PPP2R2B: variants seen among roughly 807,000 people sequenced by gnomAD.
PPP2R2B encodes the protein serine/threonine-protein phosphatase 2A 55 kDa regulatory subunit B beta isoform.
PPP2R2B carries 5 observed loss-of-function variants against 46.0 expected under a neutral mutation model. That is an observed-to-expected ratio of 0.11 (90% CI 0.06 to 0.23). The LOEUF (loss-of-function observed/expected upper bound fraction) is 0.23. Among genes scored for constraint, PPP2R2B ranks in the 10% least tolerant of loss-of-function variants. The pLI, the probability that PPP2R2B is intolerant of heterozygous loss-of-function variation, is 1.00. For synonymous variants in PPP2R2B, 215 were observed against 206.7 expected (o/e 1.04, Z -0.34); for missense variants, 367 against 575.0 (o/e 0.64, Z 3.70).
At chr5:146,730,258 T>G (rs1581970769) in intron 2 of PPP2R2B, among the ~76,000 whole-genome samples, 1 of 152,226 alleles carries the variant, frequency 6.6e-6, no homozygotes, top group Admixed American at 6.5e-5. Context: ...TTTGAATAGC[T>G]GGATTTATCC....
intron 1 of PPP2R2B, among the ~76,000 whole-genome samples, chr5:146,994,258 G>C (rs1237927352): frequency 1.3e-5 from 2 of 152,168 alleles, no homozygotes; most frequent in African/African-American, 4.8e-5. Flanking sequence ...CTGGGGACAA[G>C]GGTGAAGGCT....
At chr5:147,014,030 A>C (rs1754871610) in intron 1 of PPP2R2B, among the ~76,000 whole-genome samples, 1 of 128,508 alleles carries the variant, frequency 7.8e-6, no homozygotes, top group East Asian at 2.4e-4. Context: ...AACTCAAACA[A>C]ATTTACAAGA....
chr5:146,642,252 A>G (rs1347614586), intron 6 of PPP2R2B, among the ~76,000 whole-genome samples: 4 of 152,168 alleles, frequency 2.6e-5, no homozygotes, highest in Non-Finnish European at 5.9e-5. Flanking sequence ...TAATAATTGA[A>G]GACACCAGGA....
At chr5:147,081,239 A>AT in intron 1 of PPP2R2B, 1 of 1,535,650 alleles carries the variant, frequency 6.5e-7, no homozygotes, top group Middle Eastern at 1.7e-4. Flanking sequence ...ATGCATTTCT[A>AT]AAAGGAGACT....
chr5:146,647,614 C>T (rs1055615001), intron 6 of PPP2R2B, among the ~76,000 whole-genome samples: 2 of 152,154 alleles, frequency 1.3e-5, no homozygotes, highest in Admixed American at 6.5e-5. Flanking sequence ...ACCTAAACTG[C>T]GCTGTTAATA....
At chr5:147,033,068 T>C (rs1191084020) in intron 1 of PPP2R2B, among the ~76,000 whole-genome samples, 2 of 152,148 alleles carry the variant, frequency 1.3e-5, no homozygotes, top group East Asian at 1.9e-4. Flanking sequence ...GACCATGCTA[T>C]AGTGACAAAT....
chr5:146,732,629 G>A (rs1752300504), intron 2 of PPP2R2B, among the ~76,000 whole-genome samples: 1 of 152,180 alleles, frequency 6.6e-6, no homozygotes, highest in South Asian at 2.1e-4. Context: ...TAATAGCACT[G>A]TCACCATCAG....
At chr5:147,016,645 G>A (rs1205258413) in intron 1 of PPP2R2B, among the ~76,000 whole-genome samples, 2 of 151,736 alleles carry the variant, frequency 1.3e-5, no homozygotes, top group Non-Finnish European at 2.9e-5. Flanking sequence ...GAACACAAAG[G>A]CAGTATATTC....
At chr5:146,950,475 T>A (rs1445502747) in intron 1 of PPP2R2B, among the ~76,000 whole-genome samples, 2 of 152,124 alleles carry the variant, frequency 1.3e-5, no homozygotes, top group East Asian at 3.9e-4. Context: ...GGCAGCACAG[T>A]GAATCACCTG....
chr5:147,046,999 C>A (rs560889949), intron 1 of PPP2R2B, among the ~76,000 whole-genome samples: 8 of 152,208 alleles, frequency 5.3e-5, no homozygotes, highest in Non-Finnish European at 8.8e-5. Flanking sequence ...GACACCAACA[C>A]CACCAAGTTT....
At chr5:147,021,593 G>A (rs926167743) in intron 1 of PPP2R2B, among the ~76,000 whole-genome samples, 1 of 152,154 alleles carries the variant, frequency 6.6e-6, no homozygotes, top group Admixed American at 6.5e-5. Flanking sequence ...ACCCAAGAAA[G>A]GCTATACCTT....
chr5:147,024,166 T>TCTATCTAC (rs1164173600), intron 1 of PPP2R2B, among the ~76,000 whole-genome samples: 6 of 151,516 alleles, frequency 4.0e-5, no homozygotes, highest in African/African-American at 1.5e-4. Flanking sequence ...TATCTATCTA[T>TCTATCTAC]CTATCTATCT....
At chr5:147,079,470 A>ATATG (rs567327713) in intron 2 of PPP2R2B, among the ~76,000 whole-genome samples, 1 of 125,664 alleles carries the variant, frequency 8.0e-6, no homozygotes, top group Non-Finnish European at 1.7e-5. Flanking sequence ...ATATATATAT[A>ATATG]CATGTGCAAT....
chr5:147,076,619 C>A (rs1347298228), intron 2 of PPP2R2B, among the ~76,000 whole-genome samples: 1 of 152,120 alleles, frequency 6.6e-6, no homozygotes, highest in African/African-American at 2.4e-5. Flanking sequence ...AAAATGGTTT[C>A]TTCCCACAAG....
rs10061975 is a variant in PPP2R2B at position 146,586,110 on chromosome 5, T to G, written c.*3837A>C. Reference sequence around the variant, plus strand: ...ATGTTTCTCAGTGGTGTGTCTAGACTTCCCCCATCCAAAGACTAACCAGGC... The same window carrying G: ...ATGTTTCTCAGTGGTGTGTCTAGACGTCCCCCATCCAAAGACTAACCAGGC... On this transcript the variant is annotated 3_prime_UTR_variant, in exon 10 of 10. Transcript: ENST00000394411. 2.0e-5 allele frequency: 3 copies of G among 152,200 alleles called. No individual in the cohort carries two copies. Among genetic ancestry groups the G allele is most frequent in the Admixed American group, 6.5e-5 (1 of 15,278 alleles). 9.4% of individuals were successfully genotyped at this position (152,200 alleles called of 1,614,324 possible).
chr5:146,824,577 G>T (rs1465900462), intron 2 of PPP2R2B, among the ~76,000 whole-genome samples: 1 of 152,150 alleles, frequency 6.6e-6, no homozygotes, highest in African/African-American at 2.4e-5. Context: ...GAGGAAGGGA[G>T]TATGCACTAG....
intron 1 of PPP2R2B, among the ~76,000 whole-genome samples, chr5:147,020,789 T>C (rs1024822431): frequency 6.6e-6 from 1 of 152,188 alleles, no homozygotes; most frequent in Non-Finnish European, 1.5e-5. Flanking sequence ...ATTAATCACA[T>C]TCTTGAAGTT....
chr5:146,592,178 G>C (rs1011675906), intron 9 of PPP2R2B: 1 of 441,656 alleles, frequency 2.3e-6, no homozygotes, highest in Non-Finnish European at 4.5e-6. Flanking sequence ...TTGCCACGTG[G>C]AGACTCCTTC....
intron 1 of PPP2R2B, among the ~76,000 whole-genome samples, chr5:147,030,962 C>G (rs1057272582): frequency 6.6e-6 from 1 of 152,104 alleles, no homozygotes; most frequent in Non-Finnish European, 1.5e-5. Flanking sequence ...TATGGCCGTG[C>G]GCGGTGGCTC....
Sources: allele counts gnomAD v4.1 joint callset (sites outside exome capture counted in the v4.1 genomes callset), GRCh38; gene constraint gnomAD v4.1.1; transcripts MANE v1.5; gene names NCBI Gene and HGNC (gene_info 2026-07-23, HGNC 2026-07-21).